The following STK39 variants were observed in gnomAD, a reference collection of about 807,000 sequenced individuals.
The protein encoded by STK39 is serine/threonine kinase 39, also known as STE20/SPS1-related proline-alanine-rich protein kinase.
A neutral mutation model predicts 77.8 loss-of-function variants in STK39; 20 were observed. The ratio of observed to expected loss-of-function variants is 0.26; its 90% CI spans 0.18 to 0.37. STK39 has a LOEUF of 0.37. Among genes scored for constraint, STK39 ranks in the 10% least tolerant of loss-of-function variants. The pLI is 1.00. For synonymous variants in STK39, 246 were observed against 234.1 expected (o/e 1.05, Z -0.47); for missense variants, 479 against 656.5 (o/e 0.73, Z 2.95).
In STK39 at chr2:168,120,705, A is replaced by G. The variant is rs55860317; in HGVS notation, c.1089+8836T>C. 1.8e-3 allele frequency among the ~76,000 whole-genome samples: 280 copies of G among 152,320 alleles called. 2 individuals carry two copies. The highest frequency in any genetic ancestry group is 3.4e-3 in the Middle Eastern group (1 of 294). On this transcript the variant is annotated intron_variant, in intron 10 of 17. Coordinates refer to ENST00000355999, the MANE Select transcript of STK39 (RefSeq NM_013233.3). ...TTTGCTATAACCTGTGCCACTTATT[A>G]TTTTGTCCCAACCACTATTATATTA...
intron 16 of STK39, among the ~76,000 whole-genome samples, chr2:167,999,335 C>T (rs1425522096): frequency 6.6e-6 from 1 of 152,172 alleles, no homozygotes; most frequent in African/African-American, 2.4e-5. Context: ...TTCACTGACA[C>T]CTGTGTACTG....
chr2:168,024,227 C>T lies in STK39; in HGVS notation c.1377-7132G>A, dbSNP rs1355925704. Among the ~76,000 whole-genome samples, 4 of 152,136 alleles carry T rather than the reference C, an allele frequency of 2.6e-5. No individual in the cohort carries two copies. In the East Asian group the frequency reaches 7.7e-4, roughly 29 times the overall value. On this transcript the variant is annotated intron_variant, in intron 14 of 17. Coordinates refer to ENST00000355999, the MANE Select transcript of STK39 (RefSeq NM_013233.3). ...GATACTTCTGCTTCACACGAGGAGG[C>T]CGCCTGGGGCAGGATGAGGAGATAA...
At chr2:167,979,540 C>T (rs79102043) in intron 16 of STK39, among the ~76,000 whole-genome samples, 7 of 152,104 alleles carry the variant, frequency 4.6e-5, no homozygotes, top group African/African-American at 2.4e-5. Flanking sequence ...TAGGTAGAAG[C>T]CTCTTTCTAA....
chr2:168,015,983 A>G (rs1019395195), intron 15 of STK39, among the ~76,000 whole-genome samples: 2 of 152,298 alleles, frequency 1.3e-5, no homozygotes, highest in Admixed American at 6.5e-5. Flanking sequence ...GCTGGATCGC[A>G]GTGGCACAAT....
At chr2:167,955,614 T>C in intron 17 of STK39, 44 bp from the exon 18 acceptor site, 1 of 1,588,180 alleles carries the variant, frequency 6.3e-7, no homozygotes. Flanking sequence ...TTGCTGCTGC[T>C]GCTGGTTGTT....
chr2:168,156,552 T>C (rs1029066587), intron 5 of STK39, among the ~76,000 whole-genome samples: 7 of 152,148 alleles, frequency 4.6e-5, no homozygotes, highest in African/African-American at 1.7e-4. Context: ...CACCGTGAGC[T>C]TACCACACCC....
intron 5 of STK39, among the ~76,000 whole-genome samples, chr2:168,151,338 T>C (rs1184801643): frequency 1.3e-5 from 2 of 152,226 alleles, no homozygotes; most frequent in African/African-American, 2.4e-5. Context: ...GACTGGGGTC[T>C]CATATGTAGA....
chr2:168,133,434 G>A (rs1434191827), intron 8 of STK39, among the ~76,000 whole-genome samples: 3 of 152,122 alleles, frequency 2.0e-5, no homozygotes, highest in Non-Finnish European at 2.9e-5. Context: ...ACTTTACACA[G>A]AGAATAACTA....
chr2:168,103,648 T>C (rs1686895097), intron 10 of STK39, among the ~76,000 whole-genome samples: 1 of 152,238 alleles, frequency 6.6e-6, no homozygotes, highest in African/African-American at 2.4e-5. Flanking sequence ...TCTTAGACTA[T>C]CTCTTTAACA....
At chr2:168,028,795 A>G (rs1183098464) in intron 14 of STK39, among the ~76,000 whole-genome samples, 1 of 152,196 alleles carries the variant, frequency 6.6e-6, no homozygotes, top group South Asian at 2.1e-4. Flanking sequence ...TCTCCCATGC[A>G]TGAGGCTCCC....
chr2:168,054,201 G>T (rs1027688130), intron 14 of STK39, among the ~76,000 whole-genome samples: 1 of 152,246 alleles, frequency 6.6e-6, no homozygotes, highest in South Asian at 2.1e-4. Flanking sequence ...GTTTCTGACT[G>T]CATTCAAAAC....
intron 14 of STK39, among the ~76,000 whole-genome samples, chr2:168,043,846 A>T (rs1685170388): frequency 6.6e-6 from 1 of 152,136 alleles, no homozygotes; most frequent in East Asian, 1.9e-4. Context: ...TTTTATTTGC[A>T]CTCAGGAGGC....
chr2:168,057,633 C>T (rs868011042), intron 14 of STK39, among the ~76,000 whole-genome samples: 11 of 152,204 alleles, frequency 7.2e-5, no homozygotes, highest in African/African-American at 2.7e-4. Context: ...CTGTTCCAGC[C>T]TGTTAATCCT....
At chr2:168,240,555 G>A (rs1203644084) in intron 1 of STK39, among the ~76,000 whole-genome samples, 1 of 152,210 alleles carries the variant, frequency 6.6e-6, no homozygotes, top group Non-Finnish European at 1.5e-5. Context: ...CCAAACAGAT[G>A]TGAGAGATGG....
At chr2:168,128,075 G>A (rs1687591906) in intron 10 of STK39, among the ~76,000 whole-genome samples, 1 of 152,116 alleles carries the variant, frequency 6.6e-6, no homozygotes, top group Non-Finnish European at 1.5e-5. Context: ...ACAAGGAGCT[G>A]GAGTGTGAGG....
At chr2:168,121,923 C>T (rs1028719174) in intron 10 of STK39, among the ~76,000 whole-genome samples, 4 of 152,236 alleles carry the variant, frequency 2.6e-5, no homozygotes, top group African/African-American at 9.6e-5. Context: ...ACAAAAGATA[C>T]AGATATAGCT....
intron 13 of STK39, among the ~76,000 whole-genome samples, chr2:168,064,949 T>C (rs1685756227): frequency 6.6e-6 from 1 of 152,200 alleles, no homozygotes; most frequent in Admixed American, 6.5e-5. Flanking sequence ...CCCATAAAAT[T>C]CAATGATAAC....
intron 10 of STK39, among the ~76,000 whole-genome samples, chr2:168,093,415 T>C (rs990057416): frequency 2.6e-5 from 4 of 152,174 alleles, no homozygotes; most frequent in Non-Finnish European, 5.9e-5. Flanking sequence ...CACATGAGCA[T>C]GTGCAAGGGA....
intron 16 of STK39, among the ~76,000 whole-genome samples, chr2:167,989,547 C>T (rs1002164176): frequency 1.3e-5 from 2 of 151,948 alleles, no homozygotes; most frequent in African/African-American, 2.4e-5. Flanking sequence ...CTGAGGGGTC[C>T]CAGGTGAGGA....
Sources: gnomAD v4.1 joint callset for allele counts (sites outside exome capture counted in the v4.1 genomes callset) on GRCh38, gnomAD v4.1.1 for gene constraint, MANE v1.5 for transcripts, NCBI Gene and HGNC (gene_info 2026-07-23, HGNC 2026-07-21) for gene names.